The following MYRIP variants were observed in gnomAD, a reference collection of about 807,000 sequenced individuals.
MYRIP encodes the protein myosin VIIA and Rab interacting protein.
In MYRIP, 49 loss-of-function variants were observed where a neutral mutation model predicts 98.0. The ratio of observed to expected loss-of-function variants is 0.50; its 90% CI spans 0.40 to 0.63. The LOEUF is 0.63. Ranked by LOEUF, MYRIP falls within the 30% of genes least tolerant of loss-of-function variation. The pLI is 0.00. For missense variants in MYRIP, 1,004 were observed against 1,058.2 expected, an observed-to-expected ratio of 0.95 and a Z score of 0.71; for synonymous variants, 404 against 409.5, an observed-to-expected ratio of 0.99 and a Z score of 0.16.
chr3:40,090,156 C>T (rs1388484859), intron 3 of MYRIP, among the ~76,000 whole-genome samples: 1 of 152,028 alleles, frequency 6.6e-6, no homozygotes, highest in African/African-American at 2.4e-5. Flanking sequence ...GCATGGTGAG[C>T]TTTGAGACCT....
At chr3:40,048,452 C>T (rs1947716300) in intron 3 of MYRIP, among the ~76,000 whole-genome samples, 1 of 151,844 alleles carries the variant, frequency 6.6e-6, no homozygotes, top group Non-Finnish European at 1.5e-5. Flanking sequence ...AGACATTCAT[C>T]CTACAATATG....
chr3:40,044,358 T>G (rs945824124), intron 3 of MYRIP, 87 bp downstream of exon 3: 28 of 1,312,450 alleles, frequency 2.1e-5, no homozygotes, highest in Non-Finnish European at 4.3e-6. Flanking sequence ...GAACCAGCTA[T>G]GATTGGTAGA....
intron 9 of MYRIP, among the ~76,000 whole-genome samples, chr3:40,185,477 TC>T (rs780475885): frequency 6.6e-6 from 1 of 152,078 alleles, no homozygotes; most frequent in African/African-American, 2.4e-5. Flanking sequence ...GGGAGCAGGA[TC>T]CCCGAGGGGT....
chr3:40,085,025 T>G (rs1575525952), intron 3 of MYRIP, among the ~76,000 whole-genome samples: 1 of 151,300 alleles, frequency 6.6e-6, no homozygotes, highest in East Asian at 2.0e-4. Flanking sequence ...ATAATATATA[T>G]CTATGTGTTA....
intron 3 of MYRIP, among the ~76,000 whole-genome samples, chr3:40,132,911 T>G (rs548884391): frequency 6.6e-6 from 1 of 152,310 alleles, no homozygotes; most frequent in South Asian, 2.1e-4. Context: ...TTACTCAGAG[T>G]CTTCCAGCAT....
At chr3:39,900,533 T>C (rs982561502) in intron 1 of MYRIP, among the ~76,000 whole-genome samples, 1 of 144,390 alleles carries the variant, frequency 6.9e-6, no homozygotes, top group Admixed American at 6.7e-5. Context: ...GTTCACTTTG[T>C]TATAAAGAAT....
In MYRIP at chr3:39,873,967, A is replaced by G. The variant is rs1392537478; in HGVS notation, c.-30-26820A>G. Among the ~76,000 whole-genome samples, 1,120 of 151,464 alleles carry G rather than the reference A, an allele frequency of 7.4e-3. 10 individuals are homozygous for G. The highest frequency in any genetic ancestry group is 0.026 in the African/African-American group (1,062 of 41,012). On this transcript the variant is annotated intron_variant, in intron 1 of 16. Coordinates refer to ENST00000302541, the MANE Select transcript of MYRIP (RefSeq NM_015460.4). ...TTCATGATATTGATTCTTCCTACCC[A>G]TGAGCATGGAATGTTCTTCCATTTG...
intron 11 of MYRIP, among the ~76,000 whole-genome samples, chr3:40,225,340 T>C (rs2125690083): frequency 6.6e-6 from 1 of 152,322 alleles, no homozygotes; most frequent in South Asian, 2.1e-4. Context: ...GCTTGGTCTT[T>C]GGCTTTCCAA....
At chr3:39,822,112 T>A (rs1036760444) in intron 1 of MYRIP, among the ~76,000 whole-genome samples, 2 of 152,200 alleles carry the variant, frequency 1.3e-5, no homozygotes, top group Middle Eastern at 3.2e-3. Context: ...TGAGAAACCC[T>A]CTTAGTCTCT....
chr3:40,159,737 C>A (rs1471959950), intron 4 of MYRIP, among the ~76,000 whole-genome samples: 2 of 152,146 alleles, frequency 1.3e-5, no homozygotes, highest in Non-Finnish European at 2.9e-5. Context: ...CACTTCATTT[C>A]ATTCATTTCA....
intron 2 of MYRIP, among the ~76,000 whole-genome samples, chr3:39,911,423 G>A (rs1017793374): frequency 7.2e-5 from 11 of 152,136 alleles, no homozygotes; most frequent in African/African-American, 2.7e-4. Flanking sequence ...TTTCTACTAG[G>A]TTGCTTTTAT....
intron 3 of MYRIP, among the ~76,000 whole-genome samples, chr3:40,069,775 G>A (rs1948188605): frequency 6.6e-6 from 1 of 152,172 alleles, no homozygotes; most frequent in Admixed American, 6.5e-5. Context: ...CTTACGGTGT[G>A]CGGAGAGGGA....
intron 2 of MYRIP, among the ~76,000 whole-genome samples, chr3:40,023,447 T>C (rs1255414451): frequency 6.6e-6 from 1 of 151,824 alleles, no homozygotes; most frequent in African/African-American, 2.4e-5. Context: ...AGACTTAGGG[T>C]TGGAAGAGGA....
At chr3:39,815,475 G>T (rs141656629) in intron 1 of MYRIP, among the ~76,000 whole-genome samples, 1 of 151,910 alleles carries the variant, frequency 6.6e-6, no homozygotes, top group African/African-American at 2.4e-5. Flanking sequence ...TTAGTCCTTA[G>T]AAGTTTTATT....
chr3:39,887,374 C>A (rs1354903186), intron 1 of MYRIP, among the ~76,000 whole-genome samples: 2 of 152,042 alleles, frequency 1.3e-5, no homozygotes, highest in Non-Finnish European at 2.9e-5. Context: ...ACACAAAAAA[C>A]CATTCAAAAA....
chr3:39,877,110 A>T (rs936627992), intron 1 of MYRIP, among the ~76,000 whole-genome samples: 1 of 152,082 alleles, frequency 6.6e-6, no homozygotes, highest in Non-Finnish European at 1.5e-5. Context: ...CATCACTGAT[A>T]CCCTTTCTTC....
At chr3:40,043,222 T>C (rs1412187373) in intron 2 of MYRIP, among the ~76,000 whole-genome samples, 1 of 152,208 alleles carries the variant, frequency 6.6e-6, no homozygotes, top group Admixed American at 6.5e-5. Context: ...AATTATAGTC[T>C]AGTAATATAG....
At chr3:40,141,377 A>G (rs1047437089) in intron 3 of MYRIP, among the ~76,000 whole-genome samples, 32 of 152,186 alleles carry the variant, frequency 2.1e-4, no homozygotes, top group South Asian at 4.1e-4. Flanking sequence ...TAGTCTGCCA[A>G]TATTTTCTCC....
At chr3:39,908,204 G>A (rs1159819876) in intron 2 of MYRIP, among the ~76,000 whole-genome samples, 2 of 152,326 alleles carry the variant, frequency 1.3e-5, no homozygotes, top group African/African-American at 4.8e-5. Flanking sequence ...GGGGAAGGAA[G>A]GGAGAGCAGA....
Sources: allele counts gnomAD v4.1 joint callset (sites outside exome capture counted in the v4.1 genomes callset), GRCh38; gene constraint gnomAD v4.1.1; transcripts MANE v1.5; gene names NCBI Gene and HGNC (gene_info 2026-07-23, HGNC 2026-07-21).